RFT1: variants seen among roughly 807,000 people sequenced by gnomAD.
The protein encoded by RFT1 is man(5)GlcNAc(2)-PP-dolichol translocation protein RFT1.
A neutral mutation model predicts 62.2 loss-of-function variants in RFT1; 43 were observed. That is an observed-to-expected ratio of 0.69 (90% CI 0.54 to 0.89). The LOEUF (loss-of-function observed/expected upper bound fraction) is 0.89. Among genes scored for constraint, RFT1 ranks in the 40% least tolerant of loss-of-function variants. The pLI, the probability that RFT1 is intolerant of heterozygous loss-of-function variation, is 0.00. For missense variants in RFT1, 605 were observed against 649.9 expected (o/e 0.93, Z 0.75); for synonymous variants, 262 against 264.6 (o/e 0.99, Z 0.10).
In RFT1 at chr3:53,091,054, G is replaced by A. The variant is rs183106989; in HGVS notation, c.*849C>T. ...CTGTTAAACCTTATCTGTCACCAGT[G>A]CAATTCCCATGTGAGAAGTTACAGA... On this transcript the variant is annotated 3_prime_UTR_variant, in exon 13 of 13. Coordinates refer to ENST00000296292, the MANE Select transcript of RFT1 (RefSeq NM_052859.4). 6.6e-6 allele frequency: 1 copy of A among 152,438 alleles called. No homozygotes were observed. The highest frequency in any genetic ancestry group is 2.4e-5 in the African/African-American group (1 of 41,594). The allele number at this position is 152,438 out of a possible 1,614,324, so 9.4% of individuals were successfully genotyped here.
intron 5 of RFT1, among the ~76,000 whole-genome samples, chr3:53,120,566 G>A (rs989157646): frequency 2.0e-5 from 3 of 152,134 alleles, no homozygotes; most frequent in Non-Finnish European, 4.4e-5. Flanking sequence ...GTGATAAGAG[G>A]GCCCACCCCT....
At chr3:53,076,358 GA>G in the RFT1 span, among the ~76,000 whole-genome samples, 1 of 152,162 alleles carries the variant, frequency 6.6e-6, no homozygotes, top group Admixed American at 6.5e-5. Context: ...TGTCTCCAGG[GA>G]AAGCACACCT....
intron 7 of RFT1, among the ~76,000 whole-genome samples, chr3:53,110,618 G>A (rs1701621108): frequency 6.6e-6 from 1 of 152,148 alleles, no homozygotes; most frequent in Non-Finnish European, 1.5e-5. Flanking sequence ...AGGGGGAGTT[G>A]CTTTCTTTTG....
the RFT1 span, among the ~76,000 whole-genome samples, chr3:53,073,697 T>C: frequency 6.6e-6 from 1 of 152,176 alleles, no homozygotes; most frequent in Non-Finnish European, 1.5e-5. Flanking sequence ...TGCCTTGCCC[T>C]GGGGGCAACT....
chr3:53,072,549 C>A, the RFT1 span, among the ~76,000 whole-genome samples: 1 of 152,310 alleles, frequency 6.6e-6, no homozygotes, highest in African/African-American at 2.4e-5. Context: ...GCTCCTCTAC[C>A]ACTGATGTTG....
Position 53,103,989 on chromosome 3 carries a change from C to G in RFT1, c.1066G>C (p.Asp356His), listed in dbSNP as rs761620606. The G allele has an allele frequency of 1.2e-6, 2 of 1,614,228 alleles. No homozygotes were observed. The highest frequency in any genetic ancestry group is 1.7e-6 in the Non-Finnish European group (2 of 1,180,042). Residue 356 changes from aspartate to histidine, a missense_variant, in exon 10 of 13, where the codon GAT (aspartate) becomes CAT (histidine). By Grantham distance (81) the Asp-to-His change is moderately conservative (BLOSUM62 -1). Transcript: ENST00000296292. ...FGFAYSQLAL[D>H]IYGGTMLSSG... ...CTAAGCATGGTCCCTCCGTAGATAT[C>G]CAGAGCCAGCTGAGAATAGGCAAAG... is the stretch of plus-strand genomic sequence containing the variant.
downstream of RFT1, among the ~76,000 whole-genome samples, chr3:53,086,567 C>T (rs763747466): frequency 5.3e-5 from 8 of 152,164 alleles, no homozygotes; most frequent in Admixed American, 3.9e-4. Context: ...CCACCTGCCT[C>T]GGCCTCCCAA....
chr3:53,103,924 A>C, intron 10 of RFT1, 29 bp downstream of exon 10: 1 of 1,613,854 alleles, frequency 6.2e-7, no homozygotes, highest in Non-Finnish European at 8.5e-7. Context: ...GGGAAATCAG[A>C]AAAAATCCAG....
chr3:53,120,438 G>C (rs1376383645), intron 5 of RFT1, among the ~76,000 whole-genome samples: 1 of 152,162 alleles, frequency 6.6e-6, no homozygotes, highest in Non-Finnish European at 1.5e-5. Flanking sequence ...AAGGACTGTG[G>C]GTTTTCTATA....
chr3:53,080,775 G>C, the RFT1 span, among the ~76,000 whole-genome samples: 1 of 152,204 alleles, frequency 6.6e-6, no homozygotes, highest in East Asian at 1.9e-4. Context: ...GGCACAGGGG[G>C]ATCAAGCACT....
the RFT1 span, among the ~76,000 whole-genome samples, chr3:53,078,949 T>G: frequency 8.4e-4 from 128 of 152,288 alleles, no homozygotes; most frequent in Non-Finnish European, 1.6e-3. Flanking sequence ...CTTCTGCAGA[T>G]GGAGAAAAGG....
In RFT1 at chr3:53,130,335, T is replaced by C. The variant is rs372159471; in HGVS notation, c.63+3A>G. On this transcript the variant is annotated splice_donor_region_variant and intron_variant, in intron 1 of 12. Transcript: ENST00000296292. ...AAGCTGGAACCTGAAGGGCAGAGAG[T>C]ACCTGCAGGAGGAGACCGGAGGAGG... 4.8e-5 allele frequency: 75 copies of C among 1,566,626 alleles called. No homozygotes were observed. Among genetic ancestry groups the C allele is most frequent in the Non-Finnish European group, 6.2e-5 (72 of 1,156,250 alleles).
downstream of RFT1, among the ~76,000 whole-genome samples, chr3:53,084,379 G>GC (rs1195699526): frequency 6.6e-6 from 1 of 152,226 alleles, no homozygotes; most frequent in African/African-American, 2.4e-5. Flanking sequence ...AACTGGCGCT[G>GC]CCCGCAGACA....
intron 6 of RFT1, among the ~76,000 whole-genome samples, chr3:53,113,400 G>T (rs1559592501): frequency 1.2e-5 from 1 of 83,350 alleles, no homozygotes; most frequent in Non-Finnish European, 3.1e-5. Flanking sequence ...TAGGATTTCA[G>T]AGGGCTTTTT....
At chr3:53,092,294 G>A in intron 12 of RFT1, 75 bp downstream of exon 12, 1 of 1,557,016 alleles carries the variant, frequency 6.4e-7, no homozygotes, top group Non-Finnish European at 8.7e-7. Context: ...CAAAAACCTG[G>A]GAAGAGGAGG....
intron 9 of RFT1, among the ~76,000 whole-genome samples, chr3:53,105,328 C>T (rs1277377099): frequency 1.3e-5 from 2 of 151,926 alleles, no homozygotes; most frequent in African/African-American, 2.4e-5. Flanking sequence ...GCAGGAGAAT[C>T]GTTTGAACCT....
chr3:53,106,205 C>T (rs922168425), intron 8 of RFT1, among the ~76,000 whole-genome samples: 2 of 151,866 alleles, frequency 1.3e-5, no homozygotes, highest in Admixed American at 6.6e-5. Flanking sequence ...TGCACTCCAG[C>T]CTGGGCAATA....
At chr3:53,084,534 A>G (rs1028980740), downstream of RFT1, among the ~76,000 whole-genome samples, 5 of 152,206 alleles carry the variant, frequency 3.3e-5, no homozygotes, top group Non-Finnish European at 7.3e-5. Context: ...TGTCACCTCC[A>G]ATGTGACTAA....
the RFT1 span, among the ~76,000 whole-genome samples, chr3:53,081,347 G>A: frequency 6.6e-6 from 1 of 152,352 alleles, no homozygotes; most frequent in East Asian, 1.9e-4. Flanking sequence ...AGGGGTGAGG[G>A]TGGAGAGGAG....
Sources: gnomAD v4.1 joint callset for allele counts (sites outside exome capture counted in the v4.1 genomes callset) on GRCh38, gnomAD v4.1.1 for gene constraint, MANE v1.5 for transcripts, NCBI Gene and HGNC (gene_info 2026-07-23, HGNC 2026-07-21) for gene names.